AUTS2: variants seen among roughly 807,000 people sequenced by gnomAD.
AUTS2 encodes autism susceptibility gene 2 protein.
Under a neutral mutation model 112.4 loss-of-function variants are expected in AUTS2, and 17 were observed. That is an observed-to-expected ratio of 0.15 (90% CI 0.10 to 0.23). The LOEUF (loss-of-function observed/expected upper bound fraction) is 0.23, where lower values mean the gene tolerates loss of function less well. AUTS2 is among the 10% of genes least tolerant of loss of function. The probability of loss-of-function intolerance (pLI) is 1.00; values close to 1 mark genes in which losing one functional copy is unlikely to be tolerated. For missense variants in AUTS2, 1,510 were observed against 1,701.6 expected, an observed-to-expected ratio of 0.89 and a Z score of 1.98; for synonymous variants, 751 against 702.7, an observed-to-expected ratio of 1.07 and a Z score of -1.09.
At chr7:69,676,026 G>A (rs1312041454) in intron 1 of AUTS2, among the ~76,000 whole-genome samples, 1 of 152,182 alleles carries the variant, frequency 6.6e-6, no homozygotes, top group African/African-American at 2.4e-5. Context: ...GACTGAAAGA[G>A]AAGGTAGAAC....
chr7:70,046,021 T>TA, intron 2 of AUTS2, among the ~76,000 whole-genome samples: 1 of 152,162 alleles, frequency 6.6e-6, no homozygotes, highest in East Asian at 1.9e-4. Flanking sequence ...CCTTCAAAGT[T>TA]ATACGTTTAA....
chr7:70,498,401 C>T (rs769841753), intron 5 of AUTS2, among the ~76,000 whole-genome samples: 1 of 152,110 alleles, frequency 6.6e-6, no homozygotes, highest in South Asian at 2.1e-4. Flanking sequence ...ATCACATTAC[C>T]TATGTGGAAA....
At chr7:70,398,125 C>T (rs1403362786) in intron 4 of AUTS2, among the ~76,000 whole-genome samples, 1 of 152,210 alleles carries the variant, frequency 6.6e-6, no homozygotes, top group Non-Finnish European at 1.5e-5. Flanking sequence ...GTGTTTATTT[C>T]CTCACCCTTT....
intron 1 of AUTS2, among the ~76,000 whole-genome samples, chr7:69,842,630 ACT>A (rs1038610492): frequency 7.9e-5 from 12 of 152,054 alleles, no homozygotes; most frequent in Non-Finnish European, 1.6e-4. Context: ...CTTTGTTCAA[ACT>A]CTCTAGCCCT....
intron 5 of AUTS2, among the ~76,000 whole-genome samples, chr7:70,643,728 A>G (rs1295444091): frequency 6.6e-6 from 1 of 152,126 alleles, no homozygotes; most frequent in Non-Finnish European, 1.5e-5. Context: ...CTTTATTATC[A>G]TGTACTAATT....
At chr7:69,830,525 T>G (rs778981406) in intron 1 of AUTS2, among the ~76,000 whole-genome samples, 8 of 152,332 alleles carry the variant, frequency 5.3e-5, no homozygotes, top group Middle Eastern at 3.4e-3. Flanking sequence ...TCCTAATATA[T>G]CTTCTAATAT....
Position 69,607,040 on chromosome 7 carries a change from C to T in AUTS2, c.309+7078C>T, listed in dbSNP as rs1055678380. 1.3e-5 allele frequency among the ~76,000 whole-genome samples: 2 copies of T among 152,164 alleles called. 1 individual carries two copies. Among genetic ancestry groups the T allele is most frequent in the Admixed American group, 1.3e-4 (2 of 15,282 alleles). ...GCAATTAATACATACTGTGAGGTCACAAAGAATAGGCCCTTTTTATGCTAT... is the reference window on the plus strand; with the variant it reads ...GCAATTAATACATACTGTGAGGTCATAAAGAATAGGCCCTTTTTATGCTAT... On this transcript the variant is annotated intron_variant, in intron 1 of 18. Transcript: ENST00000342771.
Position 69,883,671 on chromosome 7 carries a change from C to T in AUTS2, c.310-15615C>T, listed in dbSNP as rs557268518. 6.6e-5 allele frequency among the ~76,000 whole-genome samples: 10 copies of T among 152,274 alleles called. No individual in the cohort carries two copies. The South Asian group carries it at 1.7e-3, about 25-fold the overall frequency. ...CTCAAACATGCTGCCATCCAAGGCCCAGTTTAAACCACAGGCTCAATTTTT... is the reference window on the plus strand; with the variant it reads ...CTCAAACATGCTGCCATCCAAGGCCTAGTTTAAACCACAGGCTCAATTTTT... On this transcript the variant is annotated intron_variant, in intron 1 of 18. Coordinates refer to ENST00000342771, the MANE Select transcript of AUTS2 (RefSeq NM_015570.4).
intron 4 of AUTS2, among the ~76,000 whole-genome samples, chr7:70,431,416 G>A (rs58156290): frequency 0.014 from 2,113 of 152,204 alleles, 72 homozygotes; most frequent in East Asian, 0.14. Context: ...TTGTTTTTGA[G>A]ACGAAGTCTC....
chr7:70,429,833 C>T (rs1795580444), intron 4 of AUTS2, among the ~76,000 whole-genome samples: 1 of 151,742 alleles, frequency 6.6e-6, no homozygotes, highest in Non-Finnish European at 1.5e-5. Context: ...TTAAAGAAAG[C>T]AAAACAAAAA....
intron 1 of AUTS2, among the ~76,000 whole-genome samples, chr7:69,676,618 A>C (rs1159756068): frequency 6.6e-6 from 1 of 152,208 alleles, no homozygotes; most frequent in Non-Finnish European, 1.5e-5. Flanking sequence ...GACAATTTAA[A>C]TATTAGAATG....
At chr7:70,224,379 CAATACAATACAATACAATACAATAT>C (rs1451170510) in intron 4 of AUTS2, among the ~76,000 whole-genome samples, 5 of 139,524 alleles carry the variant, frequency 3.6e-5, no homozygotes, top group African/African-American at 1.2e-4. Context: ...CAATACAATA[CAATACAATACAATACAATACAATAT>C]AATACCATAC....
At chr7:70,027,951 T>C (rs1330813522) in intron 2 of AUTS2, among the ~76,000 whole-genome samples, 1 of 152,186 alleles carries the variant, frequency 6.6e-6, no homozygotes, top group Non-Finnish European at 1.5e-5. Context: ...CAGTAAGGCC[T>C]CATGTGAAGT....
At chr7:70,612,783 C>T (rs1257524370) in intron 5 of AUTS2, among the ~76,000 whole-genome samples, 1 of 150,198 alleles carries the variant, frequency 6.7e-6, no homozygotes, top group Non-Finnish European at 1.5e-5. Flanking sequence ...TTTATTTCTT[C>T]TTTTCTACAT....
At chr7:70,707,046 A>C (rs1212974301) in intron 6 of AUTS2, among the ~76,000 whole-genome samples, 3 of 152,136 alleles carry the variant, frequency 2.0e-5, no homozygotes, top group Non-Finnish European at 4.4e-5. Flanking sequence ...GAATAACCAA[A>C]CCCATCTCTT....
intron 1 of AUTS2, among the ~76,000 whole-genome samples, chr7:69,760,214 T>A (rs1458691241): frequency 6.3e-5 from 9 of 143,910 alleles, no homozygotes; most frequent in Non-Finnish European, 1.2e-4. Flanking sequence ...TTTTTTTTTT[T>A]AAATAGAGAT....
chr7:70,101,197 T>C (rs1804473570), intron 2 of AUTS2, among the ~76,000 whole-genome samples: 1 of 152,076 alleles, frequency 6.6e-6, no homozygotes, highest in South Asian at 2.1e-4. Context: ...TTTTAAGAGT[T>C]CAAGCTAGAA....
At chr7:69,995,076 C>T (rs1448613100) in intron 2 of AUTS2, among the ~76,000 whole-genome samples, 2 of 152,108 alleles carry the variant, frequency 1.3e-5, no homozygotes, top group Non-Finnish European at 2.9e-5. Flanking sequence ...TATTGGCATA[C>T]CTATCAGAGT....
chr7:69,692,617 G>A (rs949082639), intron 1 of AUTS2, among the ~76,000 whole-genome samples: 9 of 152,292 alleles, frequency 5.9e-5, no homozygotes, highest in Admixed American at 5.9e-4. Flanking sequence ...TTTCCTGAGG[G>A]GAAATGGAGA....
Sources: allele counts gnomAD v4.1 joint callset (sites outside exome capture counted in the v4.1 genomes callset), GRCh38; gene constraint gnomAD v4.1.1; transcripts MANE v1.5; gene names NCBI Gene and HGNC (gene_info 2026-07-23, HGNC 2026-07-21).